Variants in PWWP2B observed in about 807,000 individuals in gnomAD.
PWWP2B encodes the protein PWWP domain-containing protein 2B.
In PWWP2B, 9 loss-of-function variants were observed where a neutral mutation model predicts 15.5. The observed-to-expected ratio is 0.58, with a 90% CI of 0.35 to 1.02. The LOEUF (loss-of-function observed/expected upper bound fraction) is 1.02, where lower values mean the gene tolerates loss of function less well. Among genes scored for constraint, PWWP2B ranks in the 50% least tolerant of loss-of-function variants. The pLI is 0.02. For synonymous variants in PWWP2B, 474 were observed against 403.6 expected (o/e 1.17, Z -2.09); for missense variants, 864 against 865.3 (o/e 1.00, Z 0.02).
rs1433899155 is a variant in PWWP2B at position 132,404,646 on chromosome 10, C to T, written c.146C>T (p.Pro49Leu). Residue 49 changes from proline (P) to leucine (L), a missense_variant, in exon 2 of 3, where the codon CCC (proline) becomes CTC (leucine). By Grantham distance (98) the Pro-to-Leu change is moderately conservative. This residue lies in a region of PWWP2B where 736 missense variants were observed against 687.7 expected (regional missense o/e 1.07). Transcript: ENST00000305233. ...GCCAGGTCCGGCCTCTTTGGCCTAC[C>T]CCCGTTGGCTCCGCTGCCCCAGGTC... ...CTKKSGLFGL[P>L]PLAPLPQVDE... 6.2e-7 allele frequency: 1 copy of T among 1,612,948 alleles called. No individual in the cohort carries two copies. The highest frequency in any genetic ancestry group is 8.5e-7 in the Non-Finnish European group (1 of 1,179,836).
At chr10:132,403,827 C>T (rs1051284698) in intron 1 of PWWP2B, among the ~76,000 whole-genome samples, 9 of 132,222 alleles carry the variant, frequency 6.8e-5, no homozygotes, top group East Asian at 5.1e-4. Flanking sequence ...CCCTGCAGCT[C>T]GTGTGGCCCA....
intron 1 of PWWP2B, among the ~76,000 whole-genome samples, chr10:132,400,403 A>G (rs968416991): frequency 4.6e-5 from 7 of 151,832 alleles, no homozygotes; most frequent in African/African-American, 1.7e-4. Context: ...CGGCTCATAA[A>G]CCCTTGAGTC....
rs531075488 is a variant in PWWP2B at position 132,399,425 on chromosome 10, G to A, written c.125+2074G>A. The stretch of plus-strand genomic sequence containing the variant: ...GCCCCGCTCACACAGGCGCCGGGAT[G>A]CAGGGCTGAGGTGGGCCCAGCAGCC... On this transcript the variant is annotated intron_variant, in intron 1 of 2. Coordinates refer to ENST00000305233, the MANE Select transcript of PWWP2B (RefSeq NM_138499.4). Among the ~76,000 whole-genome samples, 3 of 152,384 alleles carry A rather than the reference G, an allele frequency of 2.0e-5. No individual in the cohort carries two copies. In the South Asian group the frequency reaches 6.2e-4, roughly 32 times the overall value.
chr10:132,415,058 A>G (rs1242534149), intron 2 of PWWP2B, among the ~76,000 whole-genome samples: 5 of 152,212 alleles, frequency 3.3e-5, no homozygotes, highest in Non-Finnish European at 7.3e-5. Context: ...GCAATATGTA[A>G]TGACAAGAAT....
rs568984279 is a variant in PWWP2B at position 132,404,995 on chromosome 10, C to T, written c.495C>T (p.Ile165=). The change falls in exon 2 of 3, where the codon ATC becomes ATT. Residue 165 remains isoleucine (I), a synonymous_variant. Coordinates refer to ENST00000305233, the MANE Select transcript of PWWP2B (RefSeq NM_138499.4). The part of the protein sequence containing the change: ...LSRNRDPGRL[I]LSTIRLRPRQ... The stretch of plus-strand genomic sequence containing the variant: ...GCAACCGCGACCCGGGGCGCCTCAT[C>T]CTCAGCACCATCCGCCTGCGGCCGC... 373 of 1,562,278 alleles carry T rather than the reference C, an allele frequency of 2.4e-4. 2 individuals are homozygous for T. In the South Asian group the frequency reaches 3.0e-3, roughly 13 times the overall value.
rs2069683649 is a variant in PWWP2B, at chr10:132,405,524, G to A, written c.1024G>A (p.Asp342Asn). The stretch of plus-strand genomic sequence containing the variant: ...CCGCCTGAAGCCCCACCGTCTGGGG[G>A]ACAGCGAGCACGAGCCCGTGTACCG... ...KIRLKPHRLG[D>N]SEHEPVYRAE... The change falls in exon 2 of 3, where the codon GAC becomes AAC. Residue 342 changes from aspartate (D) to asparagine (N), a missense_variant. Asp to Asn is a conservative substitution (Grantham distance 23). Coordinates refer to ENST00000305233, the MANE Select transcript of PWWP2B (RefSeq NM_138499.4). 6.2e-6 allele frequency: 10 copies of A among 1,603,618 alleles called. No individual in the cohort carries two copies. The highest frequency in any genetic ancestry group is 8.5e-6 in the Non-Finnish European group (10 of 1,179,074).
At chr10:132,408,642 C>G (rs1182747299) in intron 2 of PWWP2B, among the ~76,000 whole-genome samples, 4 of 152,240 alleles carry the variant, frequency 2.6e-5, no homozygotes, top group African/African-American at 9.6e-5. Flanking sequence ...ACGGGGATGG[C>G]TGGGCGGTGT....
At chr10:132,407,351 CA>C (rs1564875800) in intron 2 of PWWP2B, among the ~76,000 whole-genome samples, 1 of 152,188 alleles carries the variant, frequency 6.6e-6, no homozygotes, top group East Asian at 1.9e-4. Context: ...ATTCCAGGGC[CA>C]GGGGCTGTAC....
rs2069669842 is a variant in PWWP2B at position 132,404,984 on chromosome 10, G to A, written c.484G>A (p.Gly162Arg). 2 of 1,572,748 alleles carry A rather than the reference G, an allele frequency of 1.3e-6. No homozygotes were observed. Among genetic ancestry groups the A allele is most frequent in the African/African-American group, 1.4e-5 (1 of 73,978 alleles). The change falls in exon 2 of 3, where the codon GGG (glycine) becomes AGG (arginine). Residue 162 changes from glycine (G) to arginine (R), a missense_variant. Physicochemically the swap from Gly to Arg is moderately radical, Grantham distance 125 (BLOSUM62 -2). This residue lies in a region of PWWP2B where 736 missense variants were observed against 687.7 expected (regional missense o/e 1.07). Transcript: ENST00000305233. ...RRRLSRNRDP[G>R]RLILSTIRLR... ...GCGTCTGTCCCGCAACCGCGACCCG[G>A]GGCGCCTCATCCTCAGCACCATCCG...
At chr10:132,403,989 C>CTGCAGGA (rs2069645491) in intron 1 of PWWP2B, among the ~76,000 whole-genome samples, 4 of 94,790 alleles carry the variant, frequency 4.2e-5, no homozygotes, top group Admixed American at 4.1e-4. Flanking sequence ...AACCCTGCTC[C>CTGCAGGA]CGTAGGACGG....
intron 2 of PWWP2B, among the ~76,000 whole-genome samples, chr10:132,411,727 T>C (rs2069784184): frequency 6.6e-6 from 1 of 152,232 alleles, no homozygotes; most frequent in Non-Finnish European, 1.5e-5. Flanking sequence ...TGCCGGGACT[T>C]GGGAGAGTGT....
chr10:132,397,477 T>G, intron 1 of PWWP2B, 126 bp downstream of exon 1: 1 of 921,428 alleles, frequency 1.1e-6, no homozygotes, highest in Non-Finnish European at 1.3e-6. Flanking sequence ...TTTCGGTTTC[T>G]GCCGAGCCTG....
chr10:132,404,008 A>AGGGCTCCTGCAGGACGGCATTCTGCT (rs1564872990), intron 1 of PWWP2B, among the ~76,000 whole-genome samples: 1 of 28,050 alleles, frequency 3.6e-5, no homozygotes, highest in African/African-American at 1.1e-4. Flanking sequence ...GGCATTCTCC[A>AGGGCTCCTGCAGGACGGCATTCTGCT]GGGCTCCTGC....
At chr10:132,416,469 G>A (rs910676862) in intron 2 of PWWP2B, among the ~76,000 whole-genome samples, 1 of 152,224 alleles carries the variant, frequency 6.6e-6, no homozygotes, top group Non-Finnish European at 1.5e-5. Context: ...TTTTGCCTGA[G>A]GTGGCCATCC....
chr10:132,413,939 AC>A (rs1367242959), intron 2 of PWWP2B, among the ~76,000 whole-genome samples: 1 of 150,710 alleles, frequency 6.6e-6, no homozygotes, highest in South Asian at 2.1e-4. Context: ...CGAGACTCCG[AC>A]CCCGTGTCCC....
rs560647459 is a variant in PWWP2B, at chr10:132,416,606, G to C, written c.*17-455G>C. ...CCTTCCCACCCTGGGATCCCCATGC[G>C]TGGGGCTGTGTCCTGGTGGAGGGGG... is the stretch of plus-strand genomic sequence containing the variant. On this transcript the variant is annotated intron_variant, in intron 2 of 2. Coordinates refer to ENST00000305233, the MANE Select transcript of PWWP2B (RefSeq NM_138499.4). 3.9e-5 allele frequency among the ~76,000 whole-genome samples: 6 copies of C among 152,110 alleles called. No homozygotes were observed. In the East Asian group the frequency reaches 1.2e-3, roughly 29 times the overall value.
At chr10:132,409,003 C>T (rs1424255652) in intron 2 of PWWP2B, among the ~76,000 whole-genome samples, 1 of 152,236 alleles carries the variant, frequency 6.6e-6, no homozygotes. Flanking sequence ...GATGGAGGTG[C>T]GCCGAGGCTG....
intron 1 of PWWP2B, among the ~76,000 whole-genome samples, chr10:132,401,583 G>C (rs1251698105): frequency 6.6e-6 from 1 of 152,246 alleles, no homozygotes; most frequent in Non-Finnish European, 1.5e-5. Context: ...TCCCTAGGGG[G>C]TGGGTGTGTG....
Position 132,406,301 on chromosome 10 carries a change from A to C in PWWP2B, c.*16+12A>C. On this transcript the variant is annotated intron_variant, in intron 2 of 2. Coordinates refer to ENST00000305233, the MANE Select transcript of PWWP2B (RefSeq NM_138499.4). ...GGTTCCCTGACCAGGTGAGTGTGCCAGCGGCAGCCTCCTTCCCCCCAGCGG... is the reference window on the plus strand; with the variant it reads ...GGTTCCCTGACCAGGTGAGTGTGCCCGCGGCAGCCTCCTTCCCCCCAGCGG... The C allele has an allele frequency of 1.3e-6, 2 of 1,582,726 alleles. No homozygotes were observed. The highest frequency in any genetic ancestry group is 1.7e-6 in the Non-Finnish European group (2 of 1,161,030).
Sources: allele counts gnomAD v4.1 joint callset (sites outside exome capture counted in the v4.1 genomes callset), GRCh38; gene constraint gnomAD v4.1.1; regional missense constraint gnomAD v4.1.1; transcripts MANE v1.5; gene names NCBI Gene and HGNC (gene_info 2026-07-23, HGNC 2026-07-21).